GRM1: variants seen among roughly 807,000 people sequenced by gnomAD.
The protein encoded by GRM1 is metabotropic glutamate receptor 1.
In GRM1, 33 loss-of-function variants were observed where a neutral mutation model predicts 90.9. The ratio of observed to expected loss-of-function variants is 0.36; its 90% confidence interval spans 0.28 to 0.49. The LOEUF (loss-of-function observed/expected upper bound fraction) is 0.49. GRM1 is among the 20% of genes least tolerant of loss of function. The probability of loss-of-function intolerance (pLI) is 0.99; values close to 1 mark genes in which losing one functional copy is unlikely to be tolerated. For missense variants in GRM1, 1,190 were observed against 1,534.3 expected (o/e 0.78, Z 3.75); for synonymous variants, 700 against 613.2 (o/e 1.14, Z -2.09).
chr6:146,251,255 A>G (rs769608823), intron 2 of GRM1, among the ~76,000 whole-genome samples: 39 of 152,180 alleles, frequency 2.6e-4, no homozygotes, highest in Non-Finnish European at 4.6e-4. Context: ...TACTGACTCC[A>G]TGTCTATTAT....
At chr6:146,325,513 T>C (rs922294946) in intron 3 of GRM1, among the ~76,000 whole-genome samples, 1 of 152,208 alleles carries the variant, frequency 6.6e-6, no homozygotes, top group Non-Finnish European at 1.5e-5. Flanking sequence ...TATTTACACC[T>C]TACCCTAGGA....
chr6:146,088,445 G>T (rs185251558), intron 1 of GRM1, among the ~76,000 whole-genome samples: 1 of 152,170 alleles, frequency 6.6e-6, no homozygotes, highest in African/African-American at 2.4e-5. Context: ...GAAATTTTAA[G>T]AGCCAAGCAA....
At chr6:146,238,809 T>C (rs181859106) in intron 2 of GRM1, among the ~76,000 whole-genome samples, 4 of 152,160 alleles carry the variant, frequency 2.6e-5, no homozygotes, top group Admixed American at 2.0e-4. Context: ...GCACAGGAAA[T>C]ATGCATTTAA....
chr6:146,265,083 G>C (rs1233462344), intron 2 of GRM1, among the ~76,000 whole-genome samples: 1 of 152,084 alleles, frequency 6.6e-6, no homozygotes, highest in East Asian at 1.9e-4. Context: ...GGTAGTTCTA[G>C]TTTTAGTTCT....
intron 3 of GRM1, among the ~76,000 whole-genome samples, chr6:146,306,237 C>T (rs1341179205): frequency 6.6e-6 from 1 of 152,148 alleles, no homozygotes; most frequent in African/African-American, 2.4e-5. Context: ...GGTGTTTCTA[C>T]TTTCTCTGAA....
At chr6:146,417,323 T>C (rs957890) in intron 7 of GRM1, among the ~76,000 whole-genome samples, 69,892 of 151,990 alleles carry the variant, frequency 0.46, 16,313 homozygotes, top group South Asian at 0.6. Context: ...AGTGGGAGAG[T>C]TAGTTTGCCC....
chr6:146,336,917 G>A (rs188371478), intron 3 of GRM1, among the ~76,000 whole-genome samples: 2 of 152,324 alleles, frequency 1.3e-5, no homozygotes, highest in Non-Finnish European at 2.9e-5. Flanking sequence ...GCCATTGAAA[G>A]GTTGCCCACT....
At position 146,381,942 on chromosome 6, in the gene GRM1, T is replaced by C. The variant is rs79531411; in HGVS notation, c.1603-4948T>C. Among the ~76,000 whole-genome samples, 1,226 of 152,308 alleles carry C rather than the reference T, an allele frequency of 8.0e-3. 9 individuals are homozygous for C. Among genetic ancestry groups the C allele is most frequent in the Non-Finnish European group, 0.013 (904 of 68,010 alleles). The stretch of plus-strand genomic sequence containing the variant: ...ATGTAGTCCCAAAGTGGACATTTAA[T>C]TTCCTATGGTATAAATGTTTTAAGA... On this transcript the variant is annotated intron_variant, in intron 5 of 7. Coordinates refer to ENST00000282753, the MANE Select transcript of GRM1 (RefSeq NM_001278064.2).
chr6:146,165,260 G>A (rs1227688224), intron 2 of GRM1, among the ~76,000 whole-genome samples: 1 of 152,028 alleles, frequency 6.6e-6, no homozygotes, highest in East Asian at 1.9e-4. Flanking sequence ...TGTACCTTTT[G>A]GGGTCTTTTT....
intron 1 of GRM1, 74 bp downstream of exon 1, chr6:146,030,291 T>C (rs1238780652): frequency 9.5e-7 from 1 of 1,051,072 alleles, no homozygotes; most frequent in Non-Finnish European, 1.5e-6. Context: ...GGGATCATAG[T>C]ATTGTTCCTG....
intron 1 of GRM1, among the ~76,000 whole-genome samples, chr6:146,153,578 G>A (rs951892152): frequency 5.9e-5 from 9 of 152,166 alleles, no homozygotes; most frequent in African/African-American, 1.7e-4. Context: ...AAGAATTGCT[G>A]TTCAGATGAG....
chr6:146,398,706 A>C (rs746039803), intron 6 of GRM1, 63 bp from the exon 7 acceptor site: 106 of 1,079,086 alleles, frequency 9.8e-5, no homozygotes, highest in Non-Finnish European at 1.5e-4. Context: ...GGTAATTAAT[A>C]GGCAAGTTGT....
chr6:146,208,647 T>C (rs1779574906), intron 2 of GRM1, among the ~76,000 whole-genome samples: 1 of 152,158 alleles, frequency 6.6e-6, no homozygotes, highest in African/African-American at 2.4e-5. Flanking sequence ...GAATTTTACC[T>C]TTGAATTTCA....
intron 2 of GRM1, among the ~76,000 whole-genome samples, chr6:146,215,577 T>A (rs1779841378): frequency 6.6e-6 from 1 of 152,156 alleles, no homozygotes. Flanking sequence ...CTATAAGCAG[T>A]GGCCTTTTAA....
rs56297907 is a variant in GRM1, at chr6:146,414,377, T to TTTATTATTATTATTATTATTA, written c.2660+14687_2660+14707dup. On this transcript the variant is annotated intron_variant, in intron 7 of 7. Coordinates refer to ENST00000282753, the MANE Select transcript of GRM1 (RefSeq NM_001278064.2). ...TCTTCTTTTATTGGGCCGTTTGCCTTTTATTATTATTATTATTATTATTAT... is the reference window on the plus strand; with the variant it reads ...TCTTCTTTTATTGGGCCGTTTGCCTTTTATTATTATTATTATTATTATTATTATTATTATTATTATTATTAT... Among the ~76,000 whole-genome samples, 1,115 of 145,352 alleles carry TTTATTATTATTATTATTATTA rather than the reference T, an allele frequency of 7.7e-3. 10 individuals carry two copies. The highest frequency in any genetic ancestry group is 0.025 in the East Asian group (122 of 4,940).
At chr6:146,406,638 G>A (rs1275559508) in intron 7 of GRM1, among the ~76,000 whole-genome samples, 4 of 152,078 alleles carry the variant, frequency 2.6e-5, no homozygotes, top group Non-Finnish European at 5.9e-5. Context: ...AGACCAGCCT[G>A]GACAACATGG....
chr6:146,309,630 C>A (rs1237615792), intron 3 of GRM1, among the ~76,000 whole-genome samples: 1 of 151,950 alleles, frequency 6.6e-6, no homozygotes, highest in Non-Finnish European at 1.5e-5. Context: ...AATATTCTAA[C>A]CAGTTAAAAT....
At chr6:146,298,983 AG>A (rs1246535011) in intron 2 of GRM1, among the ~76,000 whole-genome samples, 1 of 152,184 alleles carries the variant, frequency 6.6e-6, no homozygotes, top group Non-Finnish European at 1.5e-5. Flanking sequence ...CTTAGTCTAG[AG>A]TTTCATGGCA....
intron 2 of GRM1, among the ~76,000 whole-genome samples, chr6:146,197,798 A>G (rs1307393835): frequency 2.0e-5 from 3 of 152,216 alleles, no homozygotes; most frequent in Non-Finnish European, 4.4e-5. Context: ...ACTTTTAAGG[A>G]GGTATCTGTA....
Sources: gnomAD v4.1 joint callset for allele counts (sites outside exome capture counted in the v4.1 genomes callset) on GRCh38, gnomAD v4.1.1 for gene constraint, MANE v1.5 for transcripts, NCBI Gene and HGNC (gene_info 2026-07-23, HGNC 2026-07-21) for gene names.